PRIMA1: variants seen among roughly 807,000 people sequenced by gnomAD.
PRIMA1 encodes proline-rich membrane anchor 1.
PRIMA1 carries 7 observed loss-of-function variants against 17.5 expected under a neutral mutation model. The ratio of observed to expected loss-of-function variants is 0.40; its 90% CI spans 0.23 to 0.75. The LOEUF (loss-of-function observed/expected upper bound fraction) is 0.75. Among genes scored for constraint, PRIMA1 ranks in the 30% least tolerant of loss-of-function variants. The probability of loss-of-function intolerance (pLI) is 0.37; values close to 1 mark genes in which losing one functional copy is unlikely to be tolerated. For missense variants in PRIMA1, 200 were observed against 201.8 expected, an observed-to-expected ratio of 0.99 and a Z score of 0.05; for synonymous variants, 97 against 77.9, an observed-to-expected ratio of 1.25 and a Z score of -1.29.
intron 3 of PRIMA1, among the ~76,000 whole-genome samples, chr14:93,746,662 G>T (rs1454357194): frequency 6.6e-6 from 1 of 152,108 alleles, no homozygotes; most frequent in Non-Finnish European, 1.5e-5. Flanking sequence ...GTTTAAACTG[G>T]GTGTGTGGCG....
intron 2 of PRIMA1, among the ~76,000 whole-genome samples, chr14:93,786,759 T>C (rs1390402206): frequency 6.6e-6 from 1 of 152,156 alleles, no homozygotes; most frequent in Admixed American, 6.5e-5. Flanking sequence ...GGCATTGCTA[T>C]TACTCCTATC....
At chr14:93,755,437 C>T (rs1046394137) in intron 3 of PRIMA1, among the ~76,000 whole-genome samples, 1 of 152,132 alleles carries the variant, frequency 6.6e-6, no homozygotes, top group Non-Finnish European at 1.5e-5. Context: ...GGACTCCAAC[C>T]CTTTATTGGT....
chr14:93,774,198 AGG>A (rs1885144025), intron 3 of PRIMA1, among the ~76,000 whole-genome samples: 1 of 152,232 alleles, frequency 6.6e-6, no homozygotes, highest in Non-Finnish European at 1.5e-5. Flanking sequence ...TGCCAGAAGA[AGG>A]GTGGCCCAGC....
chr14:93,767,757 C>A (rs192454393), intron 3 of PRIMA1, among the ~76,000 whole-genome samples: 1 of 152,238 alleles, frequency 6.6e-6, no homozygotes, highest in East Asian at 1.9e-4. Context: ...CCCTACACAC[C>A]CCCCCTCTCC....
At chr14:93,750,197 A>T (rs1394938686) in intron 3 of PRIMA1, among the ~76,000 whole-genome samples, 1 of 152,084 alleles carries the variant, frequency 6.6e-6, no homozygotes, top group Non-Finnish European at 1.5e-5. Context: ...AAAAAAAAAA[A>T]TTTGCTGGGA....
At chr14:93,723,176 C>T (rs182127634) in intron 4 of PRIMA1, among the ~76,000 whole-genome samples, 121 of 152,292 alleles carry the variant, frequency 7.9e-4, no homozygotes, top group Non-Finnish European at 1.5e-3. Context: ...TGCCACAATT[C>T]CGCTATCTCA....
chr14:93,732,949 C>T (rs530344855), intron 4 of PRIMA1, among the ~76,000 whole-genome samples: 1 of 152,234 alleles, frequency 6.6e-6, no homozygotes, highest in Non-Finnish European at 1.5e-5. Flanking sequence ...GGTGGGAGGA[C>T]ACCCAGGTGC....
At chr14:93,758,128 C>T (rs113102337) in intron 3 of PRIMA1, among the ~76,000 whole-genome samples, 1 of 152,202 alleles carries the variant, frequency 6.6e-6, no homozygotes, top group African/African-American at 2.4e-5. Context: ...TTACAGCTTC[C>T]TCCTGGGTAC....
At chr14:93,768,337 TC>T (rs2141185155) in intron 3 of PRIMA1, among the ~76,000 whole-genome samples, 1 of 152,240 alleles carries the variant, frequency 6.6e-6, no homozygotes, top group African/African-American at 2.4e-5. Flanking sequence ...CGCCTGCAAC[TC>T]CCCCAGTCTT....
intron 3 of PRIMA1, among the ~76,000 whole-genome samples, chr14:93,746,700 T>G (rs183748628): frequency 6.6e-6 from 1 of 152,246 alleles, no homozygotes; most frequent in East Asian, 1.9e-4. Flanking sequence ...GCTGCGGGGA[T>G]ACTGCTGATA....
intron 3 of PRIMA1, among the ~76,000 whole-genome samples, chr14:93,741,731 G>C (rs1174196351): frequency 6.6e-6 from 1 of 152,178 alleles, no homozygotes; most frequent in African/African-American, 2.4e-5. Context: ...TGCTTTGTGA[G>C]AGACAGGTGG....
chr14:93,774,285 C>T lies in PRIMA1; in HGVS notation c.229+4891G>A, dbSNP rs1885145973. 2.6e-5 allele frequency among the ~76,000 whole-genome samples: 4 copies of T among 152,286 alleles called. No individual in the cohort carries two copies. The South Asian group carries it at 8.3e-4, about 32-fold the overall frequency. On this transcript the variant is annotated intron_variant, in intron 3 of 4. Transcript: ENST00000393140. ...GGGCACAGGACCTTCGGGGCTAAAA[C>T]CTAGAGAGGCCCGGGCCAGCCAGGA... is the stretch of plus-strand genomic sequence containing the variant.
chr14:93,785,188 C>CAAA (rs386382197), intron 2 of PRIMA1, among the ~76,000 whole-genome samples: 11,216 of 109,836 alleles, frequency 0.1, 951 homozygotes, highest in Admixed American at 0.2. Flanking sequence ...TCTTCTCTTT[C>CAAA]AAAAAAAAAA....
At position 93,721,504 on chromosome 14, in the gene PRIMA1, C is replaced by T. The variant is rs139674492; in HGVS notation, c.402G>A (p.Glu134=). The T allele has an allele frequency of 2.0e-4, 320 of 1,613,948 alleles. No homozygotes were observed. In the African/African-American group the frequency reaches 3.6e-3, roughly 18 times the overall value. ...TGCTCTGCGAAGCACTCATGGGATA[C>T]TCAGCAACGCTGGTGCCATTTTCGT... ...RKDENGTSVA[E]YPMSASQSNK... The change falls in exon 5 of 5, where the codon GAG becomes GAA. Residue 134 remains glutamate, a synonymous_variant. Transcript: ENST00000393140.
chr14:93,747,439 C>T (rs1566968774), intron 3 of PRIMA1, among the ~76,000 whole-genome samples: 1 of 152,154 alleles, frequency 6.6e-6, no homozygotes, highest in African/African-American at 2.4e-5. Context: ...GGTGGGGATG[C>T]ACAACTCGCG....
At chr14:93,753,120 C>T (rs1173775640) in intron 3 of PRIMA1, among the ~76,000 whole-genome samples, 1 of 152,086 alleles carries the variant, frequency 6.6e-6, no homozygotes, top group Non-Finnish European at 1.5e-5. Context: ...ACTGATGCGT[C>T]CAACACAGGC....
chr14:93,727,533 C>T (rs111322934), intron 4 of PRIMA1, among the ~76,000 whole-genome samples: 11,923 of 152,164 alleles, frequency 0.078, 743 homozygotes, highest in Admixed American at 0.21. Context: ...TGGGCAGAAG[C>T]GGCCCAGACG....
chr14:93,773,962 C>T (rs550624333), intron 3 of PRIMA1, among the ~76,000 whole-genome samples: 3 of 152,278 alleles, frequency 2.0e-5, no homozygotes, highest in Admixed American at 1.3e-4. Context: ...TGTGGCGGCT[C>T]ATGCCTGTAA....
At chr14:93,778,091 G>C (rs1392878214) in intron 3 of PRIMA1, among the ~76,000 whole-genome samples, 1 of 152,240 alleles carries the variant, frequency 6.6e-6, no homozygotes, top group African/African-American at 2.4e-5. Context: ...GGCAGGCCTA[G>C]GTTCTCAACT....
Sources: allele counts gnomAD v4.1 joint callset (sites outside exome capture counted in the v4.1 genomes callset), GRCh38; gene constraint gnomAD v4.1.1; transcripts MANE v1.5; gene names NCBI Gene and HGNC (gene_info 2026-07-23, HGNC 2026-07-21).